The following ATXN1 variants were observed in gnomAD, a reference collection of about 807,000 sequenced individuals.
The protein encoded by ATXN1 is ataxin 1, also known as ataxin-1.
ATXN1 carries 8 observed loss-of-function variants against 56.4 expected under a neutral mutation model. That is an observed-to-expected ratio of 0.14 (90% CI 0.08 to 0.26). The LOEUF (loss-of-function observed/expected upper bound fraction) is 0.26, where lower values mean the gene tolerates loss of function less well. Ranked by LOEUF, ATXN1 falls within the 10% of genes least tolerant of loss-of-function variation. ATXN1 has a pLI of 1.00. For missense variants in ATXN1, 987 were observed against 1,106.5 expected (o/e 0.89, Z 1.53); for synonymous variants, 514 against 494.6 (o/e 1.04, Z -0.52).
intron 3 of ATXN1, among the ~76,000 whole-genome samples, chr6:16,642,780 A>C (rs1763728665): frequency 6.6e-6 from 1 of 152,258 alleles, no homozygotes; most frequent in Admixed American, 6.5e-5. Flanking sequence ...AATGAAGATG[A>C]TCGTTAACAG....
chr6:16,484,304 T>C (rs1359092846), intron 6 of ATXN1, among the ~76,000 whole-genome samples: 1 of 152,068 alleles, frequency 6.6e-6, no homozygotes, highest in Non-Finnish European at 1.5e-5. Context: ...CATGGTGGTG[T>C]GCACCTGTGG....
rs1210860387 is a variant in ATXN1, at chr6:16,493,515, C to T, written c.-298-7406G>A. Among the ~76,000 whole-genome samples the T allele has an allele frequency of 6.9e-5, 7 of 100,920 alleles. No individual in the cohort carries two copies. The East Asian group carries it at 1.5e-3, about 21-fold the overall frequency. 66.2% of individuals were successfully genotyped at this position (100,920 alleles called of 152,430 possible). A position where few individuals can be genotyped will look rare whatever the true frequency, so the allele number is the denominator to read the frequency against. ...TGCCTATGGTTTTAAAATTCATTTTCCTTATGTTACTAACCATTTTATTCC... is the reference window on the plus strand; with the variant it reads ...TGCCTATGGTTTTAAAATTCATTTTTCTTATGTTACTAACCATTTTATTCC... On this transcript the variant is annotated intron_variant, in intron 5 of 7. Transcript: ENST00000436367.
intron 6 of ATXN1, among the ~76,000 whole-genome samples, chr6:16,459,052 G>A (rs1179514723): frequency 6.6e-6 from 1 of 152,254 alleles, no homozygotes; most frequent in African/African-American, 2.4e-5. Flanking sequence ...TCCTGGGACA[G>A]CCTGTAACCA....
intron 4 of ATXN1, among the ~76,000 whole-genome samples, chr6:16,526,064 T>TATATATATATATATATATATATACACAC (rs370698828): frequency 3.0e-5 from 4 of 133,312 alleles, no homozygotes; most frequent in African/African-American, 9.2e-5. Flanking sequence ...TATATATATA[T>TATATATATATATATATATATATACACAC]ACATACATAC....
intron 6 of ATXN1, among the ~76,000 whole-genome samples, chr6:16,397,683 T>C (rs1464893026): frequency 6.6e-6 from 1 of 152,236 alleles, no homozygotes; most frequent in Admixed American, 6.5e-5. Context: ...CACCAAGCCA[T>C]ATGCCACCAA....
intron 6 of ATXN1, among the ~76,000 whole-genome samples, chr6:16,376,511 G>T (rs987156470): frequency 1.2e-4 from 19 of 152,190 alleles, no homozygotes; most frequent in Admixed American, 1.2e-3. Context: ...GCATTGCAAT[G>T]ATATGAAGGA....
At chr6:16,322,127 G>A (rs947225188) in intron 7 of ATXN1, among the ~76,000 whole-genome samples, 2 of 152,182 alleles carry the variant, frequency 1.3e-5, no homozygotes, top group South Asian at 2.1e-4. Context: ...GGGAGGCTGA[G>A]GTGGGAGGAT....
intron 3 of ATXN1, among the ~76,000 whole-genome samples, chr6:16,651,166 A>C (rs2113830326): frequency 6.6e-6 from 1 of 152,326 alleles, no homozygotes; most frequent in Admixed American, 6.5e-5. Context: ...AAGCCACTGC[A>C]GCAGTCCAGG....
chr6:16,453,136 C>A (rs1173045616), intron 6 of ATXN1, among the ~76,000 whole-genome samples: 1 of 152,048 alleles, frequency 6.6e-6, no homozygotes, highest in East Asian at 1.9e-4. Context: ...TGGTGTGTTT[C>A]ACTTGTGTAA....
At chr6:16,374,996 A>G (rs1762114935) in intron 6 of ATXN1, among the ~76,000 whole-genome samples, 1 of 152,168 alleles carries the variant, frequency 6.6e-6, no homozygotes, top group South Asian at 2.1e-4. Context: ...TCCCTTCAGA[A>G]CTCAGCTTGG....
chr6:16,358,789 C>T (rs914413746), intron 6 of ATXN1, among the ~76,000 whole-genome samples: 3 of 152,314 alleles, frequency 2.0e-5, no homozygotes, highest in Admixed American at 2.0e-4. Flanking sequence ...GCTGTAGATC[C>T]GAGTCTCCCT....
chr6:16,327,518 C>A lies in ATXN1; in HGVS notation c.793G>T (p.Ala265Ser). 1 of 1,611,938 alleles carries A rather than the reference C, an allele frequency of 6.2e-7. No homozygotes were observed. The highest frequency in any genetic ancestry group is 1.7e-5 in the Admixed American group (1 of 59,828). The change falls in exon 7 of 8, where the codon GCC (alanine) becomes TCC (serine). Residue 265 changes from alanine to serine, a missense_variant. Coordinates refer to ENST00000436367, the MANE Select transcript of ATXN1 (RefSeq NM_001128164.2). The part of the protein sequence containing the change: ...QNTGRTASPP[A>S]IPVHLHPHQT... ...TGGGGGTGGAGGTGGACGGGGATGG[C>A]CGGAGGAGAGGCGGTGCGGCCGGTG... is the stretch of plus-strand genomic sequence containing the variant.
In ATXN1 at chr6:16,679,701, G is replaced by T. The variant is rs1487645093; in HGVS notation, c.-614-21800C>A. ...GAAAGAACTCAATGGAAGAACACAT[G>T]TAAAAGTCTGTACATTCAAACCATT... On this transcript the variant is annotated intron_variant, in intron 2 of 7. Coordinates refer to ENST00000436367, the MANE Select transcript of ATXN1 (RefSeq NM_001128164.2). 5.9e-5 allele frequency among the ~76,000 whole-genome samples: 9 copies of T among 152,326 alleles called. No individual in the cohort carries two copies. In the South Asian group the frequency reaches 1.2e-3, roughly 21 times the overall value.
chr6:16,652,683 C>A (rs1000899018), intron 3 of ATXN1, among the ~76,000 whole-genome samples: 1 of 152,110 alleles, frequency 6.6e-6, no homozygotes, highest in Non-Finnish European at 1.5e-5. Flanking sequence ...CTTCTGCAAC[C>A]CAAAAACAGC....
chr6:16,552,311 T>C (rs1011136256), intron 4 of ATXN1, among the ~76,000 whole-genome samples: 1 of 152,226 alleles, frequency 6.6e-6, no homozygotes, highest in South Asian at 2.1e-4. Context: ...TAAATCCTTA[T>C]GAAGCCATGT....
chr6:16,504,020 G>A (rs889041854), intron 5 of ATXN1, among the ~76,000 whole-genome samples: 1 of 152,078 alleles, frequency 6.6e-6, no homozygotes, highest in African/African-American at 2.4e-5. Flanking sequence ...ATGATCTAGG[G>A]TGTGGGGTAC....
intron 4 of ATXN1, among the ~76,000 whole-genome samples, chr6:16,538,749 T>G (rs1761654913): frequency 6.6e-6 from 1 of 152,084 alleles, no homozygotes; most frequent in Non-Finnish European, 1.5e-5. Context: ...GCAATGGCAC[T>G]ATCTCGGCTC....
At chr6:16,725,470 C>A (rs991556703) in intron 2 of ATXN1, among the ~76,000 whole-genome samples, 1 of 152,170 alleles carries the variant, frequency 6.6e-6, no homozygotes, top group Non-Finnish European at 1.5e-5. Flanking sequence ...GAAACACTCT[C>A]CCATTCAATT....
chr6:16,703,762 G>A (rs188888788), intron 2 of ATXN1, among the ~76,000 whole-genome samples: 257 of 152,350 alleles, frequency 1.7e-3, no homozygotes, highest in Non-Finnish European at 2.7e-3. Flanking sequence ...GCTCACGACT[G>A]TAATCCCGGC....
Sources: allele counts gnomAD v4.1 joint callset (sites outside exome capture counted in the v4.1 genomes callset), GRCh38; gene constraint gnomAD v4.1.1; transcripts MANE v1.5; gene names NCBI Gene and HGNC (gene_info 2026-07-23, HGNC 2026-07-21).